The following SAMSN1 variants were observed in gnomAD, a reference collection of about 807,000 sequenced individuals.
The protein encoded by SAMSN1 is SAM domain-containing protein SAMSN-1.
Under a neutral mutation model 42.0 loss-of-function variants are expected in SAMSN1, and 31 were observed. The ratio of observed to expected loss-of-function variants is 0.74; its 90% CI spans 0.55 to 1.00. SAMSN1 has a LOEUF of 1.00. Ranked by LOEUF, SAMSN1 falls within the 50% of genes least tolerant of loss-of-function variation. The pLI is 0.00. For synonymous variants in SAMSN1, 178 were observed against 151.9 expected, an observed-to-expected ratio of 1.17 and a Z score of -1.26; for missense variants, 464 against 439.4, an observed-to-expected ratio of 1.06 and a Z score of -0.50.
chr21:14,506,002 A>C (rs1480346889), intron 5 of SAMSN1, among the ~76,000 whole-genome samples: 1 of 152,174 alleles, frequency 6.6e-6, no homozygotes, highest in Non-Finnish European at 1.5e-5. Flanking sequence ...TCAAGATGGA[A>C]ATTAAAAAAT....
chr21:14,582,279 A>G (rs1981761429), exon 2 of SAMSN1: 4 of 1,550,884 alleles, frequency 2.6e-6, no homozygotes, highest in Non-Finnish European at 3.5e-6. Context: ...AAAGGCTTCC[A>G]GTGATGCCAC....
At chr21:14,610,968 C>T (rs939108385) in intron 4 of SAMSN1, among the ~76,000 whole-genome samples, 3 of 152,148 alleles carry the variant, frequency 2.0e-5, no homozygotes, top group African/African-American at 7.2e-5. Context: ...CTCTGTTGCC[C>T]AGGTTGGAGT....
chr21:14,571,364 C>A (rs1180737123), intron 2 of SAMSN1, among the ~76,000 whole-genome samples: 1 of 152,160 alleles, frequency 6.6e-6, no homozygotes, highest in East Asian at 1.9e-4. Flanking sequence ...TGGGCTTCCA[C>A]TGGGGTTGGG....
chr21:14,541,700 G>A (rs1006745894), intron 1 of SAMSN1, among the ~76,000 whole-genome samples: 4 of 152,164 alleles, frequency 2.6e-5, no homozygotes, highest in South Asian at 2.1e-4. Flanking sequence ...AGTCTACTAC[G>A]TTGAAAGTAT....
intron 2 of SAMSN1, among the ~76,000 whole-genome samples, chr21:14,563,184 C>T (rs1981000990): frequency 6.6e-6 from 1 of 152,024 alleles, no homozygotes; most frequent in African/African-American, 2.4e-5. Context: ...TGAGACACAA[C>T]ATGTCTTTGC....
chr21:14,509,728 G>T (rs1197016187), intron 5 of SAMSN1, among the ~76,000 whole-genome samples: 1 of 152,058 alleles, frequency 6.6e-6, no homozygotes, highest in Non-Finnish European at 1.5e-5. Context: ...TCAGGAAAAT[G>T]GAGAGAATTC....
rs1987735387 is a variant in SAMSN1, at chr21:14,512,577, C to T, written c.280-4G>A. 3.7e-6 allele frequency: 6 copies of T among 1,613,524 alleles called. No homozygotes were observed. The highest frequency in any genetic ancestry group is 3.3e-5 in the Admixed American group (2 of 59,996). ...CATTCTCTCCATCTTCCTCATCCTT[C>T]AGAAAACATATCAGAGGTTAGGTAC... On this transcript the variant is annotated splice_region_variant and splice_polypyrimidine_tract_variant and intron_variant, in intron 3 of 7. Transcript: ENST00000400566.
At chr21:14,538,881 G>C (rs191382311) in intron 1 of SAMSN1, among the ~76,000 whole-genome samples, 276 of 152,248 alleles carry the variant, frequency 1.8e-3, no homozygotes, top group Non-Finnish European at 3.3e-3. Flanking sequence ...TTCCAGAACT[G>C]TCATTATTCT....
rs141501066 is a variant in SAMSN1, at chr21:14,510,426, G to A, written c.445C>T (p.Arg149Trp). The A allele has an allele frequency of 1.7e-4, 281 of 1,614,122 alleles. No individual in the cohort carries two copies. The African/African-American group carries it at 2.4e-3, about 14-fold the overall frequency. The change falls in exon 5 of 8, where the codon CGG (arginine) becomes TGG (tryptophan). Residue 149 changes from arginine (R) to tryptophan (W), a missense_variant. Arg to Trp is a moderately radical substitution (Grantham distance 101, BLOSUM62 -3). Coordinates refer to ENST00000400566, the MANE Select transcript of SAMSN1 (RefSeq NM_022136.5). ...ITSCSDGTSN[R>W]DSFRLDDDGP... ...TCGTCATCCAGTCGAAAGCTGTCCC[G>A]GTTACTTGTACCATCTGAACAGCTT...
chr21:14,486,253 G>C (rs1441744304), intron 7 of SAMSN1, 139 bp from the exon 8 acceptor site: 6 of 629,122 alleles, frequency 9.5e-6, no homozygotes, highest in Non-Finnish European at 1.4e-5. Context: ...GCAAGTAAAA[G>C]GTATCTTTGT....
rs746945712 is a variant in SAMSN1 at position 14,510,428 on chromosome 21, T to A, written c.443A>T (p.Asn148Ile). 24 of 1,614,062 alleles carry A rather than the reference T, an allele frequency of 1.5e-5. No homozygotes were observed. The highest frequency in any genetic ancestry group is 2.0e-5 in the Non-Finnish European group (24 of 1,180,030). The change falls in exon 5 of 8, where the codon AAC (asparagine) becomes ATC (isoleucine). Residue 148 changes from asparagine (N) to isoleucine (I), a missense_variant. By Grantham distance (149) the Asn-to-Ile change is moderately radical (BLOSUM62 -3). Coordinates refer to ENST00000400566, the MANE Select transcript of SAMSN1 (RefSeq NM_022136.5). ...GTCATCCAGTCGAAAGCTGTCCCGGTTACTTGTACCATCTGAACAGCTTGT... is the reference window on the plus strand; with the variant it reads ...GTCATCCAGTCGAAAGCTGTCCCGGATACTTGTACCATCTGAACAGCTTGT... ...GITSCSDGTS[N>I]RDSFRLDDDG...
At chr21:14,626,931 G>A (rs929320842) in intron 2 of SAMSN1, among the ~76,000 whole-genome samples, 3 of 152,138 alleles carry the variant, frequency 2.0e-5, no homozygotes, top group African/African-American at 4.8e-5. Flanking sequence ...TATACACCAT[G>A]GAATACTATG....
At chr21:14,609,084 T>C (rs1303993027) in intron 5 of SAMSN1, among the ~76,000 whole-genome samples, 1 of 152,096 alleles carries the variant, frequency 6.6e-6, no homozygotes, top group South Asian at 2.1e-4. Context: ...TTCTCTTAAA[T>C]TTTTTAAGAA....
At chr21:14,497,138 C>A (rs1334986285) in intron 7 of SAMSN1, among the ~76,000 whole-genome samples, 1 of 152,124 alleles carries the variant, frequency 6.6e-6, no homozygotes, top group African/African-American at 2.4e-5. Context: ...AGGGAGTGTT[C>A]TTAGACAAGT....
chr21:14,639,666 T>C (rs1050631524), intron 2 of SAMSN1, among the ~76,000 whole-genome samples: 1 of 152,158 alleles, frequency 6.6e-6, no homozygotes, highest in African/African-American at 2.4e-5. Flanking sequence ...CATAAGGAGA[T>C]ACTAAAATAG....
chr21:14,656,622 C>T lies in SAMSN1; in HGVS notation c.24+2126G>A, dbSNP rs566774006. Reference sequence around the variant, plus strand: ...CATGTATAAAAGGATATTTCTGCCTCCCTTATGAAAGATAGACCCCATTTC... The same window carrying T: ...CATGTATAAAAGGATATTTCTGCCTTCCTTATGAAAGATAGACCCCATTTC... On this transcript the variant is annotated intron_variant, in intron 1 of 15. Coordinates refer to the SAMSN1 transcript ENST00000647101. 2.6e-5 allele frequency among the ~76,000 whole-genome samples: 4 copies of T among 151,812 alleles called. No homozygotes were observed. The South Asian group carries it at 6.2e-4, about 24-fold the overall frequency.
At chr21:14,504,714 G>T (rs1181100687) in intron 5 of SAMSN1, among the ~76,000 whole-genome samples, 1 of 152,222 alleles carries the variant, frequency 6.6e-6, no homozygotes, top group Admixed American at 6.5e-5. Flanking sequence ...CCCTGGCCTT[G>T]CTAGAGATCT....
chr21:14,582,329 A>G (rs1315654478), exon 2 of SAMSN1: 1 of 1,550,452 alleles, frequency 6.4e-7, no homozygotes, highest in Admixed American at 2.0e-5. Flanking sequence ...TTTATCTTCC[A>G]AGTTGCAGTT....
chr21:14,513,826 G>C (rs1377182876), intron 3 of SAMSN1, among the ~76,000 whole-genome samples: 1 of 152,196 alleles, frequency 6.6e-6, no homozygotes. Flanking sequence ...GAATTATCTT[G>C]GGTTGTGCAG....
Sources: allele counts gnomAD v4.1 joint callset (sites outside exome capture counted in the v4.1 genomes callset), GRCh38; gene constraint gnomAD v4.1.1; transcripts MANE v1.5; gene names NCBI Gene and HGNC (gene_info 2026-07-23, HGNC 2026-07-21).